The following TSC2 variants were observed in gnomAD, a reference collection of about 807,000 sequenced individuals.
TSC2 encodes tuberin.
TSC2 carries 29 observed loss-of-function variants against 202.2 expected under a neutral mutation model. The observed-to-expected ratio is 0.14, with a 90% CI of 0.11 to 0.20. The LOEUF (loss-of-function observed/expected upper bound fraction) is 0.20, where lower values mean the gene tolerates loss of function less well. Among genes scored for constraint, TSC2 ranks in the 10% least tolerant of loss-of-function variants. The pLI is 1.00. For synonymous variants in TSC2, 1,349 were observed against 1,044.0 expected (o/e 1.29, Z -5.63); for missense variants, 2,429 against 2,420.0 (o/e 1.00, Z -0.08).
At chr16:2,069,716 A>G (rs557413985) in intron 16 of TSC2, among the ~76,000 whole-genome samples, 17 of 152,210 alleles carry the variant, frequency 1.1e-4, no homozygotes, top group Admixed American at 6.5e-4. Context: ...TCCTGACCTC[A>G]TGATCCACCC....
chr16:2,063,756 GGC>G, intron 14 of TSC2: 12 of 235,592 alleles, frequency 5.1e-5, no homozygotes, highest in South Asian at 1.8e-4. Flanking sequence ...TGGGTCCTCT[GGC>G]TTCTCCCATC....
intron 32 of TSC2, chr16:2,082,742 C>T: frequency 1.7e-6 from 1 of 604,928 alleles, no homozygotes; most frequent in Non-Finnish European, 3.0e-6. Context: ...GCACTCCCGG[C>T]CCAGCTTCAG....
At position 2,071,780 on chromosome 16, in the gene TSC2, G is replaced by A. The variant is rs201633455; in HGVS notation, c.1947-4G>A. On this transcript the variant is annotated splice_polypyrimidine_tract_variant and splice_region_variant and intron_variant, in intron 18 of 41. Transcript: ENST00000219476. ...GGCCTCAGCTGCTTCTCTTGCTTCTGCAGGGAGCCAGAGAGAGGCTCTGAG... is the reference window on the plus strand; with the variant it reads ...GGCCTCAGCTGCTTCTCTTGCTTCTACAGGGAGCCAGAGAGAGGCTCTGAG... The A allele has an allele frequency of 3.3e-5, 53 of 1,605,950 alleles. No individual in the cohort carries two copies. The East Asian group carries it at 7.8e-4, about 24-fold the overall frequency.
chr16:2,056,249 G>T lies in TSC2; in HGVS notation c.648+5G>T. The T allele has an allele frequency of 1.9e-6, 3 of 1,614,018 alleles. 1 individual carries two copies. The South Asian group carries it at 3.3e-5, about 18-fold the overall frequency. ...GCGTCCTCTGTGGACATAGAGGTCAGTGCCTCCCCTCCCCAGGGCCGGCCC... is the reference window on the plus strand; with the variant it reads ...GCGTCCTCTGTGGACATAGAGGTCATTGCCTCCCCTCCCCAGGGCCGGCCC... On this transcript the variant is annotated splice_donor_5th_base_variant and intron_variant, in intron 7 of 41. Transcript: ENST00000219476.
intron 32 of TSC2, chr16:2,083,386 G>A (rs2090371503): frequency 3.8e-6 from 2 of 526,238 alleles, no homozygotes; most frequent in Non-Finnish European, 7.2e-6. Context: ...GGCCCGTCGG[G>A]CGGAGAGCGT....
intron 21 of TSC2, among the ~76,000 whole-genome samples, chr16:2,073,407 G>A (rs2088797563): frequency 6.6e-6 from 1 of 152,196 alleles, no homozygotes; most frequent in Non-Finnish European, 1.5e-5. Flanking sequence ...GATCTGCCTC[G>A]CCCCCGTCCC....
Position 2,065,520 on chromosome 16 carries a change from T to G in TSC2, c.1601T>G (p.Val534Gly), listed in dbSNP as rs924098595. The G allele has an allele frequency of 1.7e-5, 28 of 1,610,814 alleles. No homozygotes were observed. The highest frequency in any genetic ancestry group is 2.3e-5 in the Non-Finnish European group (27 of 1,179,110). Residue 534 changes from valine (V) to glycine (G), a missense_variant and splice_region_variant, in exon 16 of 42, where the codon GTG (valine) becomes GGG (glycine). Physicochemically the swap from Val to Gly is moderately radical, Grantham distance 109. Transcript: ENST00000219476. ...TAAGTCCTGGCCTTCTCTTCAAAGG[T>G]GATGGCCCGCTCCCTCTCCCCACCC... ...FNSLLDIIEK[V>G]MARSLSPPPE...
rs912835683 is a variant in TSC2 at position 2,088,333 on chromosome 16, A to C, written c.5259+8A>C. ...AAGCGGCTCCGCCAGCGGGTAGGGAATATGGGGCTCCCTCAGCGGGGTGTG... is the reference window on the plus strand; with the variant it reads ...AAGCGGCTCCGCCAGCGGGTAGGGACTATGGGGCTCCCTCAGCGGGGTGTG... On this transcript the variant is annotated splice_region_variant and intron_variant, in intron 41 of 41. Coordinates refer to ENST00000219476, the MANE Select transcript of TSC2 (RefSeq NM_000548.5). 6 of 1,612,448 alleles carry C rather than the reference A, an allele frequency of 3.7e-6. No homozygotes were observed. Among genetic ancestry groups the C allele is most frequent in the Non-Finnish European group, 5.1e-6 (6 of 1,179,974 alleles).
rs780112037 is a variant in TSC2, at chr16:2,088,275, C to T, written c.5209C>T (p.Pro1737Ser). Residue 1737 changes from proline (P) to serine (S), a missense_variant, in exon 41 of 42, where the codon CCC (proline) becomes TCC (serine). Pro to Ser is a moderately conservative substitution (Grantham distance 74). Transcript: ENST00000219476. ...CCGCTCCAACCCCACCGATATCTAC[C>T]CCTCCAAGTGGATTGCCCGGCTCCG... is the stretch of plus-strand genomic sequence containing the variant. ...HSRSNPTDIY[P>S]SKWIARLRHI... The T allele has an allele frequency of 3.1e-5, 49 of 1,602,068 alleles. 1 individual carries two copies. The highest frequency in any genetic ancestry group is 2.3e-4 in the South Asian group (21 of 90,616).
At chr16:2,085,975 C>T (rs1272689520) in intron 36 of TSC2, among the ~76,000 whole-genome samples, 2 of 151,858 alleles carry the variant, frequency 1.3e-5, no homozygotes, top group Admixed American at 6.6e-5. Context: ...TGTGGAGCTC[C>T]CTGATTTTGC....
At chr16:2,052,869 G>A (rs1240062069) in intron 3 of TSC2, among the ~76,000 whole-genome samples, 3 of 152,194 alleles carry the variant, frequency 2.0e-5, no homozygotes, top group Non-Finnish European at 4.4e-5. Context: ...AGCAGAGGTC[G>A]GGCAGGGGCA....
intron 24 of TSC2, 68 bp from the exon 25 acceptor site, chr16:2,076,423 G>C: frequency 6.2e-7 from 1 of 1,603,370 alleles, no homozygotes; most frequent in African/African-American, 1.3e-5. Context: ...GGGGCACCCG[G>C]CAGGCCTGGT....
intron 32 of TSC2, chr16:2,083,280 C>T: frequency 2.2e-6 from 1 of 459,670 alleles, no homozygotes; most frequent in Non-Finnish European, 4.4e-6. Context: ...TGGGAGCAGT[C>T]TGTTTGCAAA....
intron 30 of TSC2, chr16:2,080,677 G>T (rs944761192): frequency 1.2e-4 from 46 of 394,408 alleles, no homozygotes; most frequent in African/African-American, 2.1e-4. Context: ...GTAGAGATGG[G>T]GTTTCACTGT....
Position 2,088,232 on chromosome 16 carries a change from C to G in TSC2, c.5166C>G (p.Ala1722=). 1.2e-6 allele frequency: 2 copies of G among 1,613,210 alleles called. No homozygotes were observed. Among genetic ancestry groups the G allele is most frequent in the South Asian group, 1.1e-5 (1 of 91,086 alleles). The stretch of plus-strand genomic sequence containing the variant: ...CCCCCTGCCTACGTCCCCAGATGGC[C>G]TCACAGGTGCATCATAGCCGCTCCA... ...ARQMALHANM[A]SQVHHSRSNP... is the part of the protein sequence containing the mutation. The change falls in exon 41 of 42, where the codon GCC becomes GCG. Residue 1722 remains alanine (A), a synonymous_variant. Transcript: ENST00000219476.
chr16:2,060,552 C>T (rs1311957796), intron 10 of TSC2, 118 bp from the exon 11 acceptor site: 21 of 1,546,662 alleles, frequency 1.4e-5, no homozygotes, highest in East Asian at 4.5e-5. Context: ...CCCTGATAAA[C>T]GTGTGGTGGG....
intron 36 of TSC2, 36 bp downstream of exon 36, chr16:2,085,358 G>T: frequency 6.2e-7 from 1 of 1,608,254 alleles, no homozygotes; most frequent in Non-Finnish European, 8.5e-7. Context: ...GCCTGGACAG[G>T]GCCAGCTGGG....
At chr16:2,053,743 C>A (rs769626762) in intron 4 of TSC2, 3 of 586,456 alleles carry the variant, frequency 5.1e-6, no homozygotes, top group African/African-American at 3.7e-5. Context: ...TCGTACCTGG[C>A]AGCTGGTGTG....
At position 2,064,571 on chromosome 16, in the gene TSC2, C is replaced by A; in HGVS notation, c.1599+144C>A. 5.4e-6 allele frequency: 7 copies of A among 1,299,464 alleles called. No individual in the cohort carries two copies. The South Asian group carries it at 7.7e-5, about 14-fold the overall frequency. The allele number at this position is 1,299,464 out of a possible 1,614,324, so 80.5% of individuals were successfully genotyped here. ...GCTCCCCTCCCTGCAGGGTGGGTGT[C>A]CCGAGGCCTGTGCAGGGCCTGCCAC... On this transcript the variant is annotated intron_variant, in intron 15 of 41. Coordinates refer to ENST00000219476, the MANE Select transcript of TSC2 (RefSeq NM_000548.5).
Sources: allele counts gnomAD v4.1 joint callset (sites outside exome capture counted in the v4.1 genomes callset), GRCh38; gene constraint gnomAD v4.1.1; transcripts MANE v1.5; gene names NCBI Gene and HGNC (gene_info 2026-07-23, HGNC 2026-07-21).